The following KIF15 variants were observed in gnomAD, a reference collection of about 807,000 sequenced individuals.
KIF15 encodes kinesin-like protein KIF15.
A neutral mutation model predicts 190.6 loss-of-function variants in KIF15; 140 were observed. That is an observed-to-expected ratio of 0.73 (90% confidence interval 0.64 to 0.84). KIF15 has a LOEUF of 0.84. Among genes scored for constraint, KIF15 ranks in the 40% least tolerant of loss-of-function variants. KIF15 has a pLI of 0.00. For synonymous variants in KIF15, 528 were observed against 551.3 expected (o/e 0.96, Z 0.59); for missense variants, 1,372 against 1,584.4 (o/e 0.87, Z 2.28).
chr3:44,825,041 T>C (rs1171945254), intron 20 of KIF15, among the ~76,000 whole-genome samples: 1 of 152,218 alleles, frequency 6.6e-6, no homozygotes, highest in Non-Finnish European at 1.5e-5. Flanking sequence ...ATTAGAGGCA[T>C]GAGCCACTGT....
chr3:44,861,915 A>T, intron 6 of KIF15: 1 of 1,475,906 alleles, frequency 6.8e-7, no homozygotes, highest in Non-Finnish European at 8.9e-7. Flanking sequence ...GCACGGTGTC[A>T]GCAGGCAACA....
Position 44,834,165 on chromosome 3 carries a change from T to G in KIF15, c.3171+3147T>G, listed in dbSNP as rs867870206. On this transcript the variant is annotated intron_variant, in intron 26 of 34. Transcript: ENST00000326047. ...GACCCTATAAACAGCTAATTCATAT[T>G]CCCTTTGTACTTATCTTCAGTCTTT... Among the ~76,000 whole-genome samples, 3 of 152,384 alleles carry G rather than the reference T, an allele frequency of 2.0e-5. No individual in the cohort carries two copies. In the Middle Eastern group the frequency reaches 0.01, roughly 518 times the overall value.
rs752838917 is a variant in KIF15 at position 44,774,390 on chromosome 3, T to C, written c.20-5T>C. 2.2e-5 allele frequency: 35 copies of C among 1,611,514 alleles called. No individual in the cohort carries two copies. The highest frequency in any genetic ancestry group is 3.0e-5 in the Non-Finnish European group (35 of 1,178,800). On this transcript the variant is annotated splice_polypyrimidine_tract_variant and splice_region_variant and intron_variant, in intron 1 of 34. Transcript: ENST00000326047. ...ATGACCTTTAATAACTTTTTTTTTT[T>C]CTAGCTGAGTTACGCAGCGTGACAA... is the stretch of plus-strand genomic sequence containing the variant.
At chr3:44,775,055 G>GCAC (rs1321514953) in intron 2 of KIF15, among the ~76,000 whole-genome samples, 199 bp from the exon 3 acceptor site, 1 of 151,664 alleles carries the variant, frequency 6.6e-6, no homozygotes, top group Non-Finnish European at 1.5e-5. Flanking sequence ...AGCCAAGACT[G>GCAC]CACCATTGCA....
chr3:44,795,792 T>A (rs1706946858), intron 8 of KIF15, among the ~76,000 whole-genome samples: 2 of 152,084 alleles, frequency 1.3e-5, no homozygotes, highest in South Asian at 2.1e-4. Context: ...AGGGAAGAGA[T>A]CTACTTTTTT....
chr3:44,763,261 G>T (rs1336817596), intron 1 of KIF15, among the ~76,000 whole-genome samples: 1 of 152,152 alleles, frequency 6.6e-6, no homozygotes, highest in East Asian at 1.9e-4. Context: ...CCCGTGCAGT[G>T]GTCTTTGCAA....
At chr3:44,863,991 T>G in intron 6 of KIF15, 1 of 569,176 alleles carries the variant, frequency 1.8e-6, no homozygotes, top group Non-Finnish European at 3.1e-6. Flanking sequence ...GTATCTTCTC[T>G]GAATTTGCTT....
intron 6 of KIF15, chr3:44,861,761 C>T: frequency 1.3e-6 from 1 of 745,870 alleles, no homozygotes; most frequent in African/African-American, 1.9e-5. Context: ...CCCAGGGTCT[C>T]TGCCACCTGG....
At chr3:44,842,088 C>G (rs1698636834) in intron 29 of KIF15, among the ~76,000 whole-genome samples, 2 of 152,136 alleles carry the variant, frequency 1.3e-5, no homozygotes, top group Admixed American at 1.3e-4. Context: ...TTATATTTTT[C>G]TTAAGAGTAA....
chr3:44,848,854 C>T (rs1698961937), intron 32 of KIF15, among the ~76,000 whole-genome samples: 1 of 152,194 alleles, frequency 6.6e-6, no homozygotes, highest in Non-Finnish European at 1.5e-5. Flanking sequence ...TGTCCCTTTT[C>T]ACTTCTGCTT....
At chr3:44,835,291 A>G (rs114639566) in intron 26 of KIF15, among the ~76,000 whole-genome samples, 2,843 of 152,084 alleles carry the variant, frequency 0.019, 77 homozygotes, top group African/African-American at 0.064. Flanking sequence ...CCAGGCTGGA[A>G]TGTAGTAATG....
chr3:44,817,160 A>C (rs911895788), intron 20 of KIF15, among the ~76,000 whole-genome samples: 2 of 152,038 alleles, frequency 1.3e-5, no homozygotes, highest in African/African-American at 2.4e-5. Flanking sequence ...AGATGGGTAG[A>C]TTGCAAAAAT....
intron 6 of KIF15, chr3:44,861,877 G>T (rs1238299447): frequency 6.7e-7 from 1 of 1,485,198 alleles, no homozygotes; most frequent in Non-Finnish European, 8.9e-7. Context: ...CGCGGCGCGC[G>T]CTCTGCCCTG....
At chr3:44,824,934 A>AT (rs1201519689) in intron 20 of KIF15, among the ~76,000 whole-genome samples, 1 of 151,954 alleles carries the variant, frequency 6.6e-6, no homozygotes, top group African/African-American at 2.4e-5. Flanking sequence ...TAATTTTTGT[A>AT]TTTTTTGTAG....
chr3:44,768,583 C>T (rs1379374940), intron 1 of KIF15, among the ~76,000 whole-genome samples: 1 of 152,120 alleles, frequency 6.6e-6, no homozygotes. Flanking sequence ...CCTTACTGCG[C>T]ATGTGTTAAG....
At chr3:44,778,928 C>T (rs1287108013) in intron 4 of KIF15, among the ~76,000 whole-genome samples, 2 of 127,580 alleles carry the variant, frequency 1.6e-5, no homozygotes, top group Non-Finnish European at 3.1e-5. Context: ...TGCAGTGAGC[C>T]GAGATTGCAC....
intron 26 of KIF15, among the ~76,000 whole-genome samples, chr3:44,838,057 G>A (rs1698412059): frequency 6.6e-6 from 1 of 152,118 alleles, no homozygotes; most frequent in Non-Finnish European, 1.5e-5. Flanking sequence ...CCTCAATTGG[G>A]ATACCTATAT....
chr3:44,768,867 C>CT (rs1705526091), intron 1 of KIF15, among the ~76,000 whole-genome samples: 1 of 152,102 alleles, frequency 6.6e-6, no homozygotes, highest in Non-Finnish European at 1.5e-5. Flanking sequence ...AAGAGACAAA[C>CT]TGAGTTATTA....
intron 30 of KIF15, among the ~76,000 whole-genome samples, chr3:44,847,582 G>C (rs75066433): frequency 0.019 from 2,840 of 152,244 alleles, 75 homozygotes; most frequent in African/African-American, 0.063. Context: ...GAGCGACCCT[G>C]CCTACCCAAA....
Sources: allele counts gnomAD v4.1 joint callset (sites outside exome capture counted in the v4.1 genomes callset), GRCh38; gene constraint gnomAD v4.1.1; transcripts MANE v1.5; gene names NCBI Gene and HGNC (gene_info 2026-07-23, HGNC 2026-07-21).